The following EDEM2 variants were observed in gnomAD, a reference collection of about 807,000 sequenced individuals.
EDEM2 encodes the protein ER degradation-enhancing alpha-mannosidase-like protein 2.
A neutral mutation model predicts 64.8 loss-of-function variants in EDEM2; 39 were observed. The ratio of observed to expected loss-of-function variants is 0.60; its 90% CI spans 0.47 to 0.79. The LOEUF (loss-of-function observed/expected upper bound fraction) is 0.79. Among genes scored for constraint, EDEM2 ranks in the 30% least tolerant of loss-of-function variants. The pLI is 0.00. For missense variants in EDEM2, 609 were observed against 731.3 expected (o/e 0.83, Z 1.93); for synonymous variants, 296 against 291.5 (o/e 1.02, Z -0.16).
chr20:35,135,053 C>G, intron 5 of EDEM2, 104 bp from the exon 6 acceptor site: 1 of 1,113,962 alleles, frequency 9.0e-7, no homozygotes, highest in Non-Finnish European at 1.3e-6. Flanking sequence ...CCCTCTTTCT[C>G]CTGGGTATCC....
At position 35,115,876 on chromosome 20, in the gene EDEM2, C is replaced by T. The variant is rs1181451794; in HGVS notation, c.1294G>A (p.Glu432Lys). 1.2e-5 allele frequency: 20 copies of T among 1,613,784 alleles called. No individual in the cohort carries two copies. Among genetic ancestry groups the T allele is most frequent in the Non-Finnish European group, 1.7e-5 (20 of 1,180,034 alleles). The change falls in exon 11 of 11, where the codon GAG becomes AAG. Residue 432 changes from glutamate (E) to lysine (K), a missense_variant. Transcript: ENST00000374492. ...AGGAGGTAGAGGTATTTCACAGTCT[C>T]GGCCAGGAAGAACGACTCCATGCGG... ...DNRMESFFLA[E>K]TVKYLYLLFD...
At chr20:35,126,401 G>A (rs1471402604) in intron 7 of EDEM2, 26 bp from the exon 8 acceptor site, 1 of 1,611,972 alleles carries the variant, frequency 6.2e-7, no homozygotes, top group South Asian at 1.1e-5. Flanking sequence ...TGGGATAATG[G>A]ACATATGAGT....
chr20:35,147,126 C>A, intron 1 of EDEM2, 26 bp downstream of exon 1: 1 of 1,594,584 alleles, frequency 6.3e-7, no homozygotes, highest in South Asian at 1.1e-5. Flanking sequence ...CATTCCCCAA[C>A]TGCGAAAGGG....
At position 35,144,983 on chromosome 20, in the gene EDEM2, A is replaced by ACT; in HGVS notation, c.253_254insAG (p.Leu85Ter). ...AGAAACAGACGAGATACTTACCAGC[A>ACT]AGGTGTCCAGTGCATCAATTAGAGT... is the stretch of plus-strand genomic sequence containing the variant. ...SLTLIDALDT[L>*]LILGNVSEFQ... Residue 85 changes from leucine to a stop codon, truncating the protein, a stop_gained and frameshift_variant, in exon 3 of 11, where the codon TTG becomes TAGTG. Transcript: ENST00000374492. LOFTEE classifies it high-confidence loss of function. 1 of 1,614,086 alleles carries ACT rather than the reference A, an allele frequency of 6.2e-7. No individual in the cohort carries two copies. Among genetic ancestry groups the ACT allele is most frequent in the Non-Finnish European group, 8.5e-7 (1 of 1,179,964 alleles).
intron 2 of EDEM2, among the ~76,000 whole-genome samples, chr20:35,146,546 C>A (rs1482297876): frequency 6.6e-6 from 1 of 152,168 alleles, no homozygotes; most frequent in African/African-American, 2.4e-5. Flanking sequence ...TCTCGTTACT[C>A]CAGAAATTGC....
At chr20:35,120,037 T>C (rs2085350304) in intron 9 of EDEM2, among the ~76,000 whole-genome samples, 1 of 152,146 alleles carries the variant, frequency 6.6e-6, no homozygotes, top group African/African-American at 2.4e-5. Flanking sequence ...TTTGGCTTAT[T>C]GCTGCAAACT....
At chr20:35,144,737 C>T (rs1339020271) in intron 3 of EDEM2, among the ~76,000 whole-genome samples, 2 of 152,204 alleles carry the variant, frequency 1.3e-5, no homozygotes, top group African/African-American at 4.8e-5. Context: ...GCAAGCCTAT[C>T]ACAATTCTCC....
At position 35,123,986 on chromosome 20, in the gene EDEM2, A is replaced by G. The variant is rs1365194011; in HGVS notation, c.1018T>C (p.Tyr340His). The G allele has an allele frequency of 1.2e-6, 2 of 1,614,136 alleles. No individual in the cohort carries two copies. The highest frequency in any genetic ancestry group is 8.5e-7 in the Non-Finnish European group (1 of 1,179,976). The part of the protein sequence containing the change: ...DNAMRTFLNY[Y>H]TVWKQFGGLP... ...CCCCCAAACTGCTTCCATACAGTGT[A>G]GTAGTTGAGGAAGGTCCTCATGGCA... The change falls in exon 9 of 11, where the codon TAC becomes CAC. Residue 340 changes from tyrosine (Y) to histidine (H), a missense_variant. Tyr to His is a moderately conservative substitution (Grantham distance 83, BLOSUM62 2). Coordinates refer to ENST00000374492, the MANE Select transcript of EDEM2 (RefSeq NM_018217.3).
Position 35,146,911 on chromosome 20 carries a change from G to T in EDEM2, c.132C>A (p.Tyr44Ter), listed in dbSNP as rs1392543643. Residue 44 changes from tyrosine (Y) to a stop codon, truncating the protein, a stop_gained, in exon 2 of 11, where the codon TAC (tyrosine) becomes TAA (stop). Transcript: ENST00000374492. LOFTEE classifies it high-confidence loss of function. The stretch of plus-strand genomic sequence containing the variant: ...TCTCCAGGTAGCTGTCGTAGGCGTG[G>T]TAGAACATGGCCTTGACTCGCTCCC... ...HYRERVKAMF[Y>*]HAYDSYLENA... The T allele has an allele frequency of 6.2e-7, 1 of 1,613,974 alleles. No homozygotes were observed. Among genetic ancestry groups the T allele is most frequent in the Non-Finnish European group, 8.5e-7 (1 of 1,179,990 alleles).
chr20:35,139,651 G>GAAA (rs924462871), intron 4 of EDEM2, among the ~76,000 whole-genome samples: 3 of 75,074 alleles, frequency 4.0e-5, no homozygotes, highest in African/African-American at 1.6e-4. Context: ...CTCCATCTCA[G>GAAA]AAAAAAAAAA....
At chr20:35,140,521 C>T (rs1479063257) in intron 4 of EDEM2, among the ~76,000 whole-genome samples, 1 of 151,948 alleles carries the variant, frequency 6.6e-6, no homozygotes, top group Non-Finnish European at 1.5e-5. Context: ...TGTGTAAATG[C>T]AAAACTTCAA....
chr20:35,128,868 C>T (rs1345006211), intron 7 of EDEM2, among the ~76,000 whole-genome samples: 2 of 150,974 alleles, frequency 1.3e-5, no homozygotes, highest in African/African-American at 4.9e-5. Context: ...TTCTGTATAG[C>T]TGTACAATGT....
intron 7 of EDEM2, among the ~76,000 whole-genome samples, chr20:35,128,059 T>G (rs2085458218): frequency 6.6e-6 from 1 of 152,196 alleles, no homozygotes; most frequent in Admixed American, 6.6e-5. Flanking sequence ...GTATTTACTA[T>G]ATTATTATCA....
rs2085695004 is a variant in EDEM2, at chr20:35,144,027, C to T, written c.258+952G>A. Among the ~76,000 whole-genome samples the T allele has an allele frequency of 2.0e-5, 3 of 151,590 alleles. No individual in the cohort carries two copies. The South Asian group carries it at 6.3e-4, about 32-fold the overall frequency. On this transcript the variant is annotated intron_variant, in intron 3 of 10. Transcript: ENST00000374492. ...TGACTCAAACAATCCTCCTACCTCA[C>T]CCTCCTCCCTAACAAATGGAGCCAC...
At chr20:35,131,379 C>T (rs146347948) in intron 7 of EDEM2, among the ~76,000 whole-genome samples, 2,049 of 152,168 alleles carry the variant, frequency 0.013, 37 homozygotes, top group African/African-American at 0.043. Flanking sequence ...GGTGAAACCC[C>T]GTTTCTACTA....
In EDEM2 at chr20:35,115,866, T is replaced by C; in HGVS notation, c.1304A>G (p.Lys435Arg). The change falls in exon 11 of 11, where the codon AAA becomes AGA. Residue 435 changes from lysine (K) to arginine (R), a missense_variant. Transcript: ENST00000374492. ...MESFFLAETV[K>R]YLYLLFDPTN... ...TGGGTCAAACAGGAGGTAGAGGTAT[T>C]TCACAGTCTCGGCCAGGAAGAACGA... 4.3e-6 allele frequency: 7 copies of C among 1,614,180 alleles called. No homozygotes were observed. Among genetic ancestry groups the C allele is most frequent in the Non-Finnish European group, 5.9e-6 (7 of 1,180,036 alleles).
chr20:35,124,490 T>A (rs925243866), intron 8 of EDEM2, among the ~76,000 whole-genome samples: 12 of 152,112 alleles, frequency 7.9e-5, no homozygotes, highest in African/African-American at 2.4e-4. Flanking sequence ...AGCCTTGACC[T>A]CCTGGGCTCA....
intron 9 of EDEM2, among the ~76,000 whole-genome samples, chr20:35,122,217 G>C (rs1017161039): frequency 5.3e-5 from 8 of 152,070 alleles, no homozygotes; most frequent in Admixed American, 4.6e-4. Context: ...CACTTGACAG[G>C]GCCATATTAG....
chr20:35,138,589 T>G (rs982554175), intron 4 of EDEM2, among the ~76,000 whole-genome samples: 13 of 151,808 alleles, frequency 8.6e-5, no homozygotes, highest in Non-Finnish European at 1.8e-4. Flanking sequence ...ACTTTTTTTT[T>G]TTTTTTTTGA....
Sources: allele counts gnomAD v4.1 joint callset (sites outside exome capture counted in the v4.1 genomes callset), GRCh38; gene constraint gnomAD v4.1.1; transcripts MANE v1.5; gene names NCBI Gene and HGNC (gene_info 2026-07-23, HGNC 2026-07-21).